KSR2: variants seen among roughly 807,000 people sequenced by gnomAD.
KSR2 encodes kinase suppressor of ras 2.
A neutral mutation model predicts 107.8 loss-of-function variants in KSR2; 25 were observed. The observed-to-expected ratio is 0.23, with a 90% CI of 0.17 to 0.32. The LOEUF is 0.32. KSR2 is among the 10% of genes least tolerant of loss of function. The pLI is 1.00. For missense variants in KSR2, 887 were observed against 1,268.9 expected (o/e 0.70, Z 4.57); for synonymous variants, 480 against 507.0 (o/e 0.95, Z 0.71).
At chr12:117,729,522 TATCTTCA>T (rs1887575189) in intron 4 of KSR2, among the ~76,000 whole-genome samples, 1 of 152,134 alleles carries the variant, frequency 6.6e-6, no homozygotes, top group African/African-American at 2.4e-5. Context: ...ATGGGGCTGG[TATCTTCA>T]GTCAACACAG....
At chr12:117,647,692 C>A (rs1423774085) in intron 5 of KSR2, among the ~76,000 whole-genome samples, 3 of 152,012 alleles carry the variant, frequency 2.0e-5, no homozygotes, top group Non-Finnish European at 4.4e-5. Flanking sequence ...GAGCACAGTC[C>A]TAAGGATGAG....
At chr12:117,535,403 T>TATGTAAACC (rs1875971467) in intron 10 of KSR2, among the ~76,000 whole-genome samples, 1 of 151,910 alleles carries the variant, frequency 6.6e-6, no homozygotes, top group Non-Finnish European at 1.5e-5. Context: ...AACAAGTGAG[T>TATGTAAACC]ATGTAAACCA....
Position 117,694,847 on chromosome 12 carries a change from T to C in KSR2, c.987-27189A>G, listed in dbSNP as rs539854701. 1.4e-4 allele frequency among the ~76,000 whole-genome samples: 10 copies of C among 72,118 alleles called. 1 individual carries two copies. The highest frequency in any genetic ancestry group is 3.9e-4 in the African/African-American group (6 of 15,464). 47.3% of individuals were successfully genotyped at this position (72,118 alleles called of 152,430 possible). On this transcript the variant is annotated intron_variant, in intron 4 of 19. Coordinates refer to ENST00000339824, the MANE Select transcript of KSR2 (RefSeq NM_173598.6). ...AAAAGGACAAATGTTGTATGATTCTTTTTTTTTTTTTTTTTTTTTTGAGAT... is the reference window on the plus strand; with the variant it reads ...AAAAGGACAAATGTTGTATGATTCTCTTTTTTTTTTTTTTTTTTTTGAGAT...
intron 1 of KSR2, among the ~76,000 whole-genome samples, chr12:117,877,240 G>A (rs1893883074): frequency 6.6e-6 from 1 of 152,114 alleles, no homozygotes; most frequent in Non-Finnish European, 1.5e-5. Context: ...GGGAGATTGA[G>A]GCAGGAGAAT....
Position 117,761,313 on chromosome 12 carries a change from G to T in KSR2, c.684C>A (p.Thr228=), listed in dbSNP as rs776706935. The T allele has an allele frequency of 1.9e-6, 3 of 1,540,456 alleles. No homozygotes were observed. The highest frequency in any genetic ancestry group is 2.6e-5 in the South Asian group (2 of 77,840). Residue 228 remains threonine, a synonymous_variant, in exon 4 of 20, where the codon ACC becomes ACA. Transcript: ENST00000339824. ...GGCACAAGCCCGGGTAGGCGTCCACGGTAAGCCTGTCCACGTGGGTGTACA... is the reference window on the plus strand; with the variant it reads ...GGCACAAGCCCGGGTAGGCGTCCACTGTAAGCCTGTCCACGTGGGTGTACA... The part of the protein sequence containing the change: ...APVYTHVDRL[T]VDAYPGLCPP...
chr12:117,802,087 G>A (rs1327496050), intron 3 of KSR2, among the ~76,000 whole-genome samples: 1 of 152,038 alleles, frequency 6.6e-6, no homozygotes, highest in African/African-American at 2.4e-5. Flanking sequence ...TTTCAAAATA[G>A]GTCTTACTAG....
intron 5 of KSR2, among the ~76,000 whole-genome samples, chr12:117,625,587 C>T (rs879962192): frequency 2.6e-5 from 4 of 152,156 alleles, no homozygotes; most frequent in Non-Finnish European, 1.5e-5. Context: ...TTTTGATGTG[C>T]TGCTGGATTT....
intron 14 of KSR2, among the ~76,000 whole-genome samples, chr12:117,496,620 A>G (rs1873040462): frequency 6.6e-6 from 1 of 152,198 alleles, no homozygotes; most frequent in African/African-American, 2.4e-5. Context: ...TTCTGTCATT[A>G]CCTTCTATCA....
intron 5 of KSR2, among the ~76,000 whole-genome samples, chr12:117,612,122 C>T (rs1881636142): frequency 6.6e-6 from 1 of 152,160 alleles, no homozygotes; most frequent in Admixed American, 6.6e-5. Context: ...TGGTATATCT[C>T]ATCCAGGCGC....
intron 5 of KSR2, among the ~76,000 whole-genome samples, chr12:117,604,472 GAGGA>G (rs1881120764): frequency 6.6e-6 from 1 of 152,188 alleles, no homozygotes; most frequent in South Asian, 2.1e-4. Flanking sequence ...TTAACTTTTT[GAGGA>G]ATCACCAAAC....
chr12:117,606,246 T>C (rs565579352), intron 5 of KSR2, among the ~76,000 whole-genome samples: 279 of 152,096 alleles, frequency 1.8e-3, no homozygotes, highest in African/African-American at 6.6e-3. Flanking sequence ...GACTTTCAAA[T>C]TGCTTATCTT....
chr12:117,873,624 C>T (rs1243055294), intron 1 of KSR2, among the ~76,000 whole-genome samples: 1 of 152,040 alleles, frequency 6.6e-6, no homozygotes, highest in Admixed American at 6.5e-5. Flanking sequence ...CCACACCCGG[C>T]TAATTTTTGT....
chr12:117,849,645 A>G (rs1055710731), intron 3 of KSR2, among the ~76,000 whole-genome samples: 1 of 152,210 alleles, frequency 6.6e-6, no homozygotes, highest in African/African-American at 2.4e-5. Context: ...CCAAGGAGAA[A>G]ACTAAGATTA....
rs150163296 is a variant in KSR2 at position 117,525,071 on chromosome 12, T to A, written c.2000A>T (p.Glu667Val). The part of the protein sequence containing the change: ...QEWDIPFEQL[E>V]IGELIGKGRF... ...GCCCTTTCCAATGAGCTCGCCGATC[T>A]CCAGCTGCTCAAAGGGGATGTCCCA... Residue 667 changes from glutamate (E) to valine (V), a missense_variant, in exon 14 of 20, where the codon GAG becomes GTG. By Grantham distance (121) the Glu-to-Val change is moderately radical. Around this residue, in one of 8 missense-constraint regions of KSR2, gnomAD observed 308 missense variants for 506.2 expected, o/e 0.61. Coordinates refer to ENST00000339824, the MANE Select transcript of KSR2 (RefSeq NM_173598.6). The A allele has an allele frequency of 1.0e-4, 165 of 1,613,956 alleles. No individual in the cohort carries two copies. The African/African-American group carries it at 2.0e-3, about 20-fold the overall frequency.
At chr12:117,664,013 A>G (rs942704762) in intron 5 of KSR2, among the ~76,000 whole-genome samples, 2 of 152,202 alleles carry the variant, frequency 1.3e-5, no homozygotes, top group African/African-American at 4.8e-5. Flanking sequence ...ATTTGAGTCA[A>G]TATCTCCCAT....
At chr12:117,675,800 T>C (rs1453752810) in intron 4 of KSR2, among the ~76,000 whole-genome samples, 1 of 152,170 alleles carries the variant, frequency 6.6e-6, no homozygotes, top group African/African-American at 2.4e-5. Flanking sequence ...GCCCAGCCAA[T>C]TGGGAGGAAA....
intron 4 of KSR2, among the ~76,000 whole-genome samples, chr12:117,729,038 G>A (rs969526053): frequency 6.6e-6 from 1 of 152,128 alleles, no homozygotes; most frequent in African/African-American, 2.4e-5. Context: ...TGCGGTTAGC[G>A]GTACCCACTT....
intron 1 of KSR2, among the ~76,000 whole-genome samples, chr12:117,921,248 G>A (rs966320259): frequency 3.3e-5 from 5 of 152,106 alleles, no homozygotes; most frequent in African/African-American, 1.2e-4. Flanking sequence ...TCCATGGCAG[G>A]CACATTAAAT....
chr12:117,582,487 C>A (rs975443757), intron 5 of KSR2, 128 bp from the exon 6 acceptor site: 1 of 709,130 alleles, frequency 1.4e-6, no homozygotes. Context: ...ACTTGCTAAA[C>A]CAAAGCCAAG....
Sources: gnomAD v4.1 joint callset for allele counts (sites outside exome capture counted in the v4.1 genomes callset) on GRCh38, gnomAD v4.1.1 for gene constraint, gnomAD v4.1.1 regional missense constraint, MANE v1.5 for transcripts, NCBI Gene and HGNC (gene_info 2026-07-23, HGNC 2026-07-21) for gene names.